Variants in ANK2 observed in about 807,000 individuals in gnomAD.
The protein encoded by ANK2 is ankyrin 2, also known as ankyrin-2.
A neutral mutation model predicts 360.5 loss-of-function variants in ANK2; 83 were observed. The observed-to-expected ratio is 0.23, with a 90% CI of 0.19 to 0.28. The LOEUF (loss-of-function observed/expected upper bound fraction) is 0.28, where lower values mean the gene tolerates loss of function less well. Ranked by LOEUF, ANK2 falls within the 10% of genes least tolerant of loss-of-function variation. The pLI is 1.00. For missense variants in ANK2, 4,201 were observed against 4,795.7 expected, an observed-to-expected ratio of 0.88 and a Z score of 3.66; for synonymous variants, 1,740 against 1,759.5, an observed-to-expected ratio of 0.99 and a Z score of 0.28.
At chr4:112,712,589 AG>A in the ANK2 span, among the ~76,000 whole-genome samples, 7 of 150,398 alleles carry the variant, frequency 4.7e-5, no homozygotes, top group Non-Finnish European at 1.0e-4. Flanking sequence ...TTGTATATTT[AG>A]TAGAGATGGG....
intron 2 of ANK2, among the ~76,000 whole-genome samples, chr4:113,038,381 GT>G (rs1237864585): frequency 2.0e-5 from 3 of 151,034 alleles, no homozygotes; most frequent in Non-Finnish European, 4.4e-5. Flanking sequence ...ATTGATAACT[GT>G]TTTTTTTTAA....
the ANK2 span, among the ~76,000 whole-genome samples, chr4:112,713,740 G>A: frequency 6.6e-6 from 1 of 151,370 alleles, no homozygotes; most frequent in Admixed American, 6.6e-5. Flanking sequence ...GACCATCCTG[G>A]CTAACACAGT....
chr4:113,066,948 G>A (rs1367364277), intron 1 of ANK2, among the ~76,000 whole-genome samples: 1 of 151,986 alleles, frequency 6.6e-6, no homozygotes, highest in Non-Finnish European at 1.5e-5. Context: ...AGGGCTTGGC[G>A]ATAGTAAGCA....
the ANK2 span, among the ~76,000 whole-genome samples, chr4:112,771,190 A>G: frequency 6.6e-6 from 1 of 152,146 alleles, no homozygotes; most frequent in African/African-American, 2.4e-5. Context: ...TTGGCTTACC[A>G]CGACCTTCGC....
At chr4:112,981,222 T>C (rs2043024400) in intron 2 of ANK2, among the ~76,000 whole-genome samples, 1 of 152,094 alleles carries the variant, frequency 6.6e-6, no homozygotes, top group African/African-American at 2.4e-5. Flanking sequence ...GAAGGATGAG[T>C]TGGACAAGTA....
At chr4:113,346,329 C>G (rs1051423562) in intron 35 of ANK2, among the ~76,000 whole-genome samples, 3 of 152,114 alleles carry the variant, frequency 2.0e-5, no homozygotes, top group Non-Finnish European at 2.9e-5. Context: ...TCAGATTTAA[C>G]TTTTTGAAGA....
chr4:113,004,292 A>T (rs1339213019), intron 2 of ANK2, among the ~76,000 whole-genome samples: 2 of 152,170 alleles, frequency 1.3e-5, no homozygotes, highest in Non-Finnish European at 2.9e-5. Context: ...TAAAATACAG[A>T]TTCATTGTAC....
intron 1 of ANK2, among the ~76,000 whole-genome samples, chr4:113,064,155 A>T (rs1340383504): frequency 6.6e-6 from 1 of 152,134 alleles, no homozygotes; most frequent in African/African-American, 2.4e-5. Context: ...GGTGTTAAAG[A>T]TTTCTAGCAT....
At chr4:112,889,782 G>A (rs543459101) in intron 1 of ANK2, among the ~76,000 whole-genome samples, 1 of 152,248 alleles carries the variant, frequency 6.6e-6, no homozygotes, top group Non-Finnish European at 1.5e-5. Flanking sequence ...TAAATCCATA[G>A]GGAGTTGCGT....
At chr4:113,087,148 T>C (rs751075426) in intron 1 of ANK2, among the ~76,000 whole-genome samples, 10 of 152,204 alleles carry the variant, frequency 6.6e-5, no homozygotes, top group Non-Finnish European at 1.2e-4. Flanking sequence ...ACTAACTGCA[T>C]CAGTGAGATG....
intron 18 of ANK2, among the ~76,000 whole-genome samples, chr4:113,283,349 G>A (rs1394390940): frequency 6.6e-6 from 1 of 152,168 alleles, no homozygotes; most frequent in Non-Finnish European, 1.5e-5. Context: ...GTCCTGCTGG[G>A]CATCTGAGGC....
intron 26 of ANK2, among the ~76,000 whole-genome samples, chr4:113,322,910 TTTTTAGATACGTGAAGGTAAATTC>T (rs1195944569): frequency 1.3e-4 from 20 of 152,234 alleles, no homozygotes; most frequent in African/African-American, 4.1e-4. Context: ...CCTAGGGTTT[TTTTTAGATACGTGAAGGTAAATTC>T]TTTTAGATGA....
intron 2 of ANK2, among the ~76,000 whole-genome samples, chr4:113,176,737 G>A (rs6853415): frequency 0.29 from 44,384 of 151,670 alleles, 6,888 homozygotes; most frequent in African/African-American, 0.39. Flanking sequence ...CCATTAACTC[G>A]TCAATTACAT....
chr4:113,096,603 T>G (rs917569446), intron 1 of ANK2, among the ~76,000 whole-genome samples: 4 of 152,228 alleles, frequency 2.6e-5, no homozygotes, highest in African/African-American at 7.2e-5. Flanking sequence ...AAAAAAATTC[T>G]ATTGGTCATC....
At chr4:113,114,251 C>A (rs899165565) in intron 1 of ANK2, among the ~76,000 whole-genome samples, 1 of 151,960 alleles carries the variant, frequency 6.6e-6, no homozygotes, top group Non-Finnish European at 1.5e-5. Context: ...GAGAGCCATC[C>A]CAAGGAAAGA....
chr4:112,786,746 CT>C, the ANK2 span, among the ~76,000 whole-genome samples: 2,214 of 108,920 alleles, frequency 0.02, 20 homozygotes, highest in African/African-American at 0.068. Context: ...TAAAATCAAA[CT>C]TTTTTTTTTT....
At chr4:113,047,185 C>A (rs1269792108), upstream of ANK2, among the ~76,000 whole-genome samples, 1 of 152,200 alleles carries the variant, frequency 6.6e-6, no homozygotes, top group Admixed American at 6.5e-5. Context: ...GAATATTCTT[C>A]CTTCAGGTAA....
At chr4:113,016,379 G>A (rs1327363701) in intron 2 of ANK2, among the ~76,000 whole-genome samples, 1 of 152,088 alleles carries the variant, frequency 6.6e-6, no homozygotes, top group Non-Finnish European at 1.5e-5. Flanking sequence ...TTTCTGCTTG[G>A]CAGTTTGTGC....
chr4:113,131,805 T>C (rs943010946), intron 1 of ANK2, among the ~76,000 whole-genome samples: 1 of 152,206 alleles, frequency 6.6e-6, no homozygotes, highest in Non-Finnish European at 1.5e-5. Flanking sequence ...TCTTTGTGAT[T>C]CCACATATCC....
Sources: allele counts gnomAD v4.1 joint callset (sites outside exome capture counted in the v4.1 genomes callset), GRCh38; gene constraint gnomAD v4.1.1; transcripts MANE v1.5; gene names NCBI Gene and HGNC (gene_info 2026-07-23, HGNC 2026-07-21).